The following NDST3 variants were observed in gnomAD, a reference collection of about 807,000 sequenced individuals.
NDST3 encodes the protein N-deacetylase and N-sulfotransferase 3.
NDST3 carries 58 observed loss-of-function variants against 96.1 expected under a neutral mutation model. That is an observed-to-expected ratio of 0.60 (90% CI 0.49 to 0.75). The LOEUF is 0.75. NDST3 is among the 30% of genes least tolerant of loss of function. The pLI, the probability that NDST3 is intolerant of heterozygous loss-of-function variation, is 0.00. For missense variants in NDST3, 788 were observed against 1,034.2 expected (o/e 0.76, Z 3.27); for synonymous variants, 333 against 359.7 (o/e 0.93, Z 0.84).
In NDST3 at chr4:118,166,335, C is replaced by A. The variant is rs181557309; in HGVS notation, c.1539+22651C>A. On this transcript the variant is annotated intron_variant, in intron 6 of 13. Transcript: ENST00000296499. ...TGGATATATTTCTAAACACATACAACCCCCAAGACTTCATCTTGAAGAAAT... is the reference window on the plus strand; with the variant it reads ...TGGATATATTTCTAAACACATACAAACCCCAAGACTTCATCTTGAAGAAAT... Among the ~76,000 whole-genome samples, 4 of 151,948 alleles carry A rather than the reference C, an allele frequency of 2.6e-5. No homozygotes were observed. In the East Asian group the frequency reaches 7.7e-4, roughly 29 times the overall value.
At chr4:118,145,516 G>A (rs28524963) in intron 6 of NDST3, among the ~76,000 whole-genome samples, 368 of 152,244 alleles carry the variant, frequency 2.4e-3, no homozygotes, top group African/African-American at 8.4e-3. Flanking sequence ...CATCCATTTT[G>A]TGATAAGAAA....
intron 6 of NDST3, among the ~76,000 whole-genome samples, chr4:118,192,982 G>A (rs1266466758): frequency 6.6e-6 from 1 of 152,134 alleles, no homozygotes; most frequent in Non-Finnish European, 1.5e-5. Flanking sequence ...CACCCACATG[G>A]AGGCCACATT....
rs547930357 is a variant in NDST3, at chr4:118,133,758, C to T, written c.1225-4296C>T. On this transcript the variant is annotated intron_variant, in intron 4 of 13. Coordinates refer to ENST00000296499, the MANE Select transcript of NDST3 (RefSeq NM_004784.3). ...AGTTACCATATGTTTATTCTTCAGACGAACAGGCAGTGTAATGAAGATAAT... is the reference window on the plus strand; with the variant it reads ...AGTTACCATATGTTTATTCTTCAGATGAACAGGCAGTGTAATGAAGATAAT... Among the ~76,000 whole-genome samples, 102 of 152,136 alleles carry T rather than the reference C, an allele frequency of 6.7e-4. 1 individual carries two copies. In the South Asian group the frequency reaches 0.021, roughly 31 times the overall value.
At chr4:118,048,689 T>C (rs989655362) in intron 1 of NDST3, among the ~76,000 whole-genome samples, 15 of 152,078 alleles carry the variant, frequency 9.9e-5, no homozygotes, top group Non-Finnish European at 1.8e-4. Flanking sequence ...CTATCCTAAA[T>C]ATATATACAC....
chr4:118,185,256 G>A (rs1384090008), intron 6 of NDST3, among the ~76,000 whole-genome samples: 1 of 151,948 alleles, frequency 6.6e-6, no homozygotes, highest in Admixed American at 6.6e-5. Context: ...ACTTCATGCT[G>A]TGTGTATATA....
At chr4:118,185,958 T>C (rs1327631232) in intron 6 of NDST3, among the ~76,000 whole-genome samples, 1 of 152,204 alleles carries the variant, frequency 6.6e-6, no homozygotes, top group Non-Finnish European at 1.5e-5. Flanking sequence ...TAGTCATTGA[T>C]GTCACTATTA....
At chr4:118,218,792 C>A (rs1739356555) in intron 6 of NDST3, among the ~76,000 whole-genome samples, 1 of 151,952 alleles carries the variant, frequency 6.6e-6, no homozygotes, top group African/African-American at 2.4e-5. Flanking sequence ...CTTAGAAAAC[C>A]CCATCGTCTC....
upstream of NDST3, among the ~76,000 whole-genome samples, chr4:118,033,430 A>G (rs1243110442): frequency 6.6e-6 from 1 of 152,018 alleles, no homozygotes; most frequent in Non-Finnish European, 1.5e-5. Flanking sequence ...CGGAACTGGC[A>G]GGCCGGGGCG....
At chr4:118,037,112 A>G (rs541431268) in intron 1 of NDST3, among the ~76,000 whole-genome samples, 108 of 152,200 alleles carry the variant, frequency 7.1e-4, no homozygotes, top group African/African-American at 2.5e-3. Flanking sequence ...TGGTTTCTTC[A>G]CCTGAAAAAT....
chr4:118,220,238 A>C (rs1739449217), intron 6 of NDST3, among the ~76,000 whole-genome samples: 1 of 152,162 alleles, frequency 6.6e-6, no homozygotes, highest in Non-Finnish European at 1.5e-5. Context: ...TAGATAAAGA[A>C]AATGTGGTAC....
chr4:118,192,277 C>CT (rs1737357502), intron 6 of NDST3, among the ~76,000 whole-genome samples: 1 of 152,102 alleles, frequency 6.6e-6, no homozygotes, highest in African/African-American at 2.4e-5. Flanking sequence ...TGTGCAGAAG[C>CT]TTTTTAGCTT....
intron 6 of NDST3, among the ~76,000 whole-genome samples, chr4:118,221,162 G>A (rs561647808): frequency 3.7e-4 from 57 of 152,010 alleles, no homozygotes; most frequent in South Asian, 2.3e-3. Flanking sequence ...TTGAACCTAT[G>A]GTCACCCAGA....
chr4:118,062,280 A>C (rs945164537), intron 2 of NDST3, among the ~76,000 whole-genome samples: 1 of 152,134 alleles, frequency 6.6e-6, no homozygotes, highest in Admixed American at 6.6e-5. Context: ...GGTTGACTTC[A>C]CAATGCCTAA....
chr4:118,199,897 C>T (rs1244677791), intron 6 of NDST3, among the ~76,000 whole-genome samples: 1 of 152,030 alleles, frequency 6.6e-6, no homozygotes, highest in East Asian at 1.9e-4. Context: ...TTACTTTGTC[C>T]CAGTCTCTCT....
intron 6 of NDST3, among the ~76,000 whole-genome samples, chr4:118,146,792 G>A (rs568441041): frequency 1.3e-5 from 2 of 152,310 alleles, no homozygotes; most frequent in South Asian, 2.1e-4. Flanking sequence ...TTGATTAATA[G>A]ACTTTGAAGT....
intron 2 of NDST3, among the ~76,000 whole-genome samples, chr4:118,078,345 T>A (rs1727740464): frequency 6.6e-6 from 1 of 152,206 alleles, no homozygotes. Context: ...ACTCCCCAAC[T>A]TCCACATTTT....
At chr4:118,076,564 T>C (rs566552392) in intron 2 of NDST3, among the ~76,000 whole-genome samples, 3 of 152,364 alleles carry the variant, frequency 2.0e-5, no homozygotes, top group Admixed American at 2.0e-4. Context: ...TGAGATTCTC[T>C]TCACAGATTG....
At chr4:118,057,363 C>G (rs1725512805) in intron 2 of NDST3, among the ~76,000 whole-genome samples, 1 of 151,876 alleles carries the variant, frequency 6.6e-6, no homozygotes, top group South Asian at 2.1e-4. Flanking sequence ...AGGTAGTTGC[C>G]TCACAGGAAA....
chr4:118,059,692 A>G (rs1725739279), intron 2 of NDST3, among the ~76,000 whole-genome samples: 2 of 152,084 alleles, frequency 1.3e-5, no homozygotes, highest in South Asian at 4.1e-4. Context: ...AAAAAATAAC[A>G]ACATACCAAA....
Sources: allele counts gnomAD v4.1 joint callset (sites outside exome capture counted in the v4.1 genomes callset), GRCh38; gene constraint gnomAD v4.1.1; transcripts MANE v1.5; gene names NCBI Gene and HGNC (gene_info 2026-07-23, HGNC 2026-07-21).